Variants in TMEM164 observed in about 807,000 individuals in gnomAD.
TMEM164 encodes transmembrane protein 164.
Under a neutral mutation model 18.8 loss-of-function variants are expected in TMEM164, and 4 were observed. The observed-to-expected ratio is 0.21, with a 90% CI of 0.10 to 0.49. TMEM164 has a LOEUF of 0.49. Ranked by LOEUF, TMEM164 falls within the 20% of genes least tolerant of loss-of-function variation. The probability of loss-of-function intolerance (pLI) is 0.98; values close to 1 mark genes in which losing one functional copy is unlikely to be tolerated. For missense variants in TMEM164, 108 were observed against 239.9 expected, an observed-to-expected ratio of 0.45 and a Z score of 3.63; for synonymous variants, 86 against 101.7, an observed-to-expected ratio of 0.85 and a Z score of 0.93.
intron 4 of TMEM164, among the ~76,000 whole-genome samples, chrX:110,140,666 G>A (rs2066756999): frequency 8.9e-6 from 1 of 112,385 alleles, no homozygotes; most frequent in African/African-American, 3.2e-5. Context: ...TAAAAAGGAT[G>A]TTGACTTGTG....
chrX:110,050,669 C>T (rs994397582), intron 2 of TMEM164, among the ~76,000 whole-genome samples: 3 of 111,592 alleles, frequency 2.7e-5, no homozygotes, highest in African/African-American at 3.3e-5. Context: ...AAAATCCAAG[C>T]ACATGAGGAA....
intron 2 of TMEM164, among the ~76,000 whole-genome samples, chrX:110,063,238 G>A (rs1404557809): frequency 2.7e-5 from 3 of 111,996 alleles, no homozygotes; most frequent in African/African-American, 9.7e-5. Context: ...ACCCTGGCTA[G>A]CCTCTCATTT....
chrX:110,092,394 G>T (rs1249535679), intron 3 of TMEM164, among the ~76,000 whole-genome samples: 4 of 111,679 alleles, frequency 3.6e-5, no homozygotes, highest in Non-Finnish European at 7.5e-5. Flanking sequence ...TTGAGCAGTG[G>T]TTTGTAGTTC....
Position 110,010,507 on chromosome X carries a change from C to T in TMEM164, c.390+6343C>T, listed in dbSNP as rs947802843. Among the ~76,000 whole-genome samples, 6 of 112,747 alleles carry T rather than the reference C, an allele frequency of 5.3e-5. No homozygotes were observed. The South Asian group carries it at 1.1e-3, about 21-fold the overall frequency. ...AGTCTCTTGGAAGCTTGTTATAATG[C>T]GGATACCTTGTTCTCTACATGGTGA... On this transcript the variant is annotated intron_variant, in intron 2 of 6. Coordinates refer to ENST00000372068, the MANE Select transcript of TMEM164 (RefSeq NM_032227.4).
At chrX:110,113,166 G>A (rs2066315564) in intron 4 of TMEM164, among the ~76,000 whole-genome samples, 1 of 112,175 alleles carries the variant, frequency 8.9e-6, no homozygotes, top group Admixed American at 9.5e-5. Flanking sequence ...TATCAAAAAT[G>A]TTTAAGTAAC....
intron 5 of TMEM164, among the ~76,000 whole-genome samples, chrX:110,152,070 T>TTTTTTTG (rs1363321994): frequency 7.8e-5 from 8 of 102,511 alleles, no homozygotes; most frequent in African/African-American, 3.0e-4. Context: ...TTTTTTTTTT[T>TTTTTTTG]GTCTGAGACG....
intron 2 of TMEM164, among the ~76,000 whole-genome samples, chrX:110,046,714 C>G (rs1485547333): frequency 1.8e-5 from 2 of 112,292 alleles, no homozygotes; most frequent in Non-Finnish European, 3.8e-5. Context: ...AGTTTCCTCT[C>G]CCATCTATTG....
chrX:110,084,475 TATAGAG>T (rs1424175932), intron 3 of TMEM164, among the ~76,000 whole-genome samples: 1 of 33,943 alleles, frequency 2.9e-5, no homozygotes, highest in Admixed American at 4.3e-4. Flanking sequence ...TATATATATA[TATAGAG>T]AGAGAGAGAG....
At chrX:110,113,294 C>A (rs920912524) in intron 4 of TMEM164, among the ~76,000 whole-genome samples, 1 of 112,093 alleles carries the variant, frequency 8.9e-6, no homozygotes, top group Non-Finnish European at 1.9e-5. Flanking sequence ...GGAATGTCTC[C>A]ATTTGCCTAT....
intron 2 of TMEM164, among the ~76,000 whole-genome samples, chrX:110,034,133 G>A (rs1177010065): frequency 1.8e-5 from 2 of 111,989 alleles, no homozygotes; most frequent in African/African-American, 6.5e-5. Flanking sequence ...ACAGCTGTTT[G>A]ATGAATAATA....
intron 3 of TMEM164, among the ~76,000 whole-genome samples, chrX:110,105,898 A>G (rs1233410635): frequency 1.8e-5 from 2 of 111,094 alleles, no homozygotes; most frequent in Admixed American, 1.9e-4. Flanking sequence ...TCTGCCACTT[A>G]TTGTCTGTTT....
chrX:110,021,671 G>C (rs1485491212), intron 2 of TMEM164, among the ~76,000 whole-genome samples: 1 of 111,438 alleles, frequency 9.0e-6, no homozygotes, highest in Non-Finnish European at 1.9e-5. Context: ...TTTAGTAGTA[G>C]GGAAGCTTCC....
At chrX:110,136,013 T>A (rs2066686083) in intron 4 of TMEM164, among the ~76,000 whole-genome samples, 1 of 111,130 alleles carries the variant, frequency 9.0e-6, no homozygotes. Context: ...GAATGTCTTT[T>A]AAAAAAAAAT....
At chrX:110,108,011 G>A (rs1276881853) in intron 3 of TMEM164, among the ~76,000 whole-genome samples, 5 of 107,972 alleles carry the variant, frequency 4.6e-5, no homozygotes, top group African/African-American at 6.8e-5. Flanking sequence ...AAGAGGTAAA[G>A]TTCTAGAGAG....
intron 5 of TMEM164, among the ~76,000 whole-genome samples, chrX:110,148,807 T>A (rs1234384114): frequency 9.2e-6 from 1 of 108,615 alleles, no homozygotes; most frequent in Non-Finnish European, 1.9e-5. Flanking sequence ...ATTACAGGCA[T>A]GAGCCACTGT....
chrX:110,100,432 T>G (rs1009977417), intron 3 of TMEM164, among the ~76,000 whole-genome samples: 3 of 112,192 alleles, frequency 2.7e-5, no homozygotes, highest in African/African-American at 6.5e-5. Flanking sequence ...AAATACCCTT[T>G]CTGTATCAGT....
chrX:110,180,495 C>CTCCG (rs2067319688), downstream of TMEM164, among the ~76,000 whole-genome samples: 1 of 108,790 alleles, frequency 9.2e-6, no homozygotes, highest in African/African-American at 3.5e-5. Flanking sequence ...ACCCCCCCGC[C>CTCCG]CCGCCCACAG....
intron 3 of TMEM164, among the ~76,000 whole-genome samples, chrX:110,069,265 T>C (rs2147856782): frequency 8.9e-6 from 1 of 111,886 alleles, no homozygotes; most frequent in African/African-American, 3.2e-5. Context: ...ACTTTTTGCT[T>C]TTGTATGTAA....
chrX:110,164,150 C>T (rs762168520), intron 5 of TMEM164, among the ~76,000 whole-genome samples: 3 of 111,917 alleles, frequency 2.7e-5, no homozygotes, highest in African/African-American at 9.8e-5. Context: ...GAACAGTCAG[C>T]GCTGTTGTTT....
Sources: allele counts gnomAD v4.1 joint callset (sites outside exome capture counted in the v4.1 genomes callset), GRCh38; gene constraint gnomAD v4.1.1; transcripts MANE v1.5; gene names NCBI Gene and HGNC (gene_info 2026-07-23, HGNC 2026-07-21).